The following ZNF629 variants were observed in gnomAD, a reference collection of about 807,000 sequenced individuals.
ZNF629 encodes DNA-binding protein.
A neutral mutation model predicts 59.7 loss-of-function variants in ZNF629; 9 were observed. That is an observed-to-expected ratio of 0.15 (90% CI 0.09 to 0.26). The LOEUF is 0.26. Ranked by LOEUF, ZNF629 falls within the 10% of genes least tolerant of loss-of-function variation. ZNF629 has a pLI of 1.00. For missense variants in ZNF629, 853 were observed against 1,165.4 expected, an observed-to-expected ratio of 0.73 and a Z score of 3.90; for synonymous variants, 509 against 498.9, an observed-to-expected ratio of 1.02 and a Z score of -0.27.
At position 30,780,796 on chromosome 16, in the gene ZNF629, G is replaced by C. The variant is rs2054273613; in HGVS notation, c.*922C>G. On this transcript the variant is annotated 3_prime_UTR_variant, in exon 3 of 3. Coordinates refer to ENST00000262525, the MANE Select transcript of ZNF629 (RefSeq NM_001080417.3). ...CAAGAAGGGGCCTGGAGTTAGCTGG[G>C]TTCCATGTGAGCAGTTTCCCCACCT... 1 of 152,286 alleles carries C rather than the reference G, an allele frequency of 6.6e-6. No homozygotes were observed. 9.4% of individuals were successfully genotyped at this position (152,286 alleles called of 1,614,324 possible). A position where few individuals can be genotyped will look rare whatever the true frequency, so the allele number is the denominator to read the frequency against.
rs2054292413 is a variant in ZNF629 at position 30,782,519 on chromosome 16, G to A, written c.1809C>T (p.Leu603=). 1 of 1,563,046 alleles carries A rather than the reference G, an allele frequency of 6.4e-7. No homozygotes were observed. Among genetic ancestry groups the A allele is most frequent in the East Asian group, 2.4e-5 (1 of 41,988 alleles). ...GENPYKNADG[L]IAHAAPKPPQ... ...GAGGTTTGGGGGCTGCGTGTGCGATGAGGCCGTCTGCATTTTTGTAGGGGT... is the reference window on the plus strand; with the variant it reads ...GAGGTTTGGGGGCTGCGTGTGCGATAAGGCCGTCTGCATTTTTGTAGGGGT... The change falls in exon 3 of 3, where the codon CTC becomes CTT. Residue 603 remains leucine (L), a synonymous_variant. Coordinates refer to ENST00000262525, the MANE Select transcript of ZNF629 (RefSeq NM_001080417.3).
chr16:30,784,456 G>A lies in ZNF629; in HGVS notation c.27C>T (p.Gly9=). The change falls in exon 2 of 3, where the codon GGC becomes GGT. Residue 9 remains glycine (G), a synonymous_variant. Transcript: ENST00000262525. ...TCTGTTCCGGACCCTGCAGATCCGG[G>A]CCCCACAGCGCAGTCTCGGGCTCCA... MEPETALW[G]PDLQGPEQSP... 1 of 1,559,116 alleles carries A rather than the reference G, an allele frequency of 6.4e-7. No individual in the cohort carries two copies. The highest frequency in any genetic ancestry group is 8.7e-7 in the Non-Finnish European group (1 of 1,154,188).
In ZNF629 at chr16:30,782,398, G is replaced by A; in HGVS notation, c.1930C>T (p.Pro644Ser). The A allele has an allele frequency of 6.4e-7, 1 of 1,571,834 alleles. No individual in the cohort carries two copies. The highest frequency in any genetic ancestry group is 8.6e-7 in the Non-Finnish European group (1 of 1,158,406). Residue 644 changes from proline (P) to serine (S), a missense_variant, in exon 3 of 3, where the codon CCG becomes TCG. Physicochemically the swap from Pro to Ser is moderately conservative, Grantham distance 74. Transcript: ENST00000262525. Reference protein sequence around the residue: ...AEAPGQPLKPPEGQEGFSQRR... With the variant: ...AEAPGQPLKPSEGQEGFSQRR... ...TGGCTGAAGCCCTCCTGACCCTCCG[G>A]CGGCTTAAGGGGCTGTCCGGGGGCC...
intron 1 of ZNF629, among the ~76,000 whole-genome samples, chr16:30,784,972 C>T (rs887594728): frequency 6.6e-6 from 1 of 152,006 alleles, no homozygotes; most frequent in African/African-American, 2.4e-5. Context: ...CAGAGTGAAC[C>T]GAGGCTGCCT....
At position 30,781,462 on chromosome 16, in the gene ZNF629, C is replaced by G; in HGVS notation, c.*256G>C. 3.1e-6 allele frequency: 1 copy of G among 325,944 alleles called. No homozygotes were observed. The highest frequency in any genetic ancestry group is 5.5e-6 in the Non-Finnish European group (1 of 180,972). The allele number at this position is 325,944 out of a possible 1,614,324, so 20.2% of individuals were successfully genotyped here. A position where few individuals can be genotyped will look rare whatever the true frequency, so the allele number is the denominator to read the frequency against. On this transcript the variant is annotated 3_prime_UTR_variant, in exon 3 of 3. Coordinates refer to ENST00000262525, the MANE Select transcript of ZNF629 (RefSeq NM_001080417.3). ...GTTTTTCTGCTACAGACTTAAAGGG[C>G]TTTTTTTTTTCCTACATATTTATAG...
chr16:30,782,499 T>G lies in ZNF629; in HGVS notation c.1829A>C (p.Lys610Thr). ...CCTTGGGGATCGTAACTGAGGAGGTTTGGGGGCTGCGTGTGCGATGAGGCC... is the reference window on the plus strand; with the variant it reads ...CCTTGGGGATCGTAACTGAGGAGGTGTGGGGGCTGCGTGTGCGATGAGGCC... ...ADGLIAHAAP[K>T]PPQLRSPRLP... The change falls in exon 3 of 3, where the codon AAA becomes ACA. Residue 610 changes from lysine (K) to threonine (T), a missense_variant. Physicochemically the swap from Lys to Thr is moderately conservative, Grantham distance 78. Around this residue, in one of 3 missense-constraint regions of ZNF629, gnomAD observed 420 missense variants for 435.6 expected, o/e 0.96. Coordinates refer to ENST00000262525, the MANE Select transcript of ZNF629 (RefSeq NM_001080417.3). 1.9e-6 allele frequency: 3 copies of G among 1,566,302 alleles called. No homozygotes were observed. The highest frequency in any genetic ancestry group is 1.9e-5 in the Admixed American group (1 of 52,526).
Position 30,782,509 on chromosome 16 carries a change from C to A in ZNF629, c.1819G>T (p.Ala607Ser). The A allele has an allele frequency of 6.4e-7, 1 of 1,564,808 alleles. No individual in the cohort carries two copies. ...YKNADGLIAH[A>S]APKPPQLRSP... ...CGTAACTGAGGAGGTTTGGGGGCTG[C>A]GTGTGCGATGAGGCCGTCTGCATTT... is the stretch of plus-strand genomic sequence containing the variant. The change falls in exon 3 of 3, where the codon GCA (alanine) becomes TCA (serine). Residue 607 changes from alanine to serine, a missense_variant. By Grantham distance (99) the Ala-to-Ser change is moderately conservative. Transcript: ENST00000262525.
intron 1 of ZNF629, among the ~76,000 whole-genome samples, chr16:30,785,456 C>A (rs1200842435): frequency 6.6e-6 from 1 of 152,158 alleles, no homozygotes; most frequent in East Asian, 1.9e-4. Context: ...GGGAGGCTGG[C>A]AGGAGACAGG....
At position 30,783,053 on chromosome 16, in the gene ZNF629, G is replaced by T. The variant is rs772347075; in HGVS notation, c.1275C>A (p.Arg425=). 2 of 1,612,868 alleles carry T rather than the reference G, an allele frequency of 1.2e-6. No individual in the cohort carries two copies. The highest frequency in any genetic ancestry group is 1.7e-6 in the Non-Finnish European group (2 of 1,179,814). The change falls in exon 3 of 3, where the codon CGC becomes CGA. Residue 425 remains arginine (R), a synonymous_variant. Coordinates refer to ENST00000262525, the MANE Select transcript of ZNF629 (RefSeq NM_001080417.3). The stretch of plus-strand genomic sequence containing the variant: ...CGGCGCAGATGTAGGGCCGCTCGCC[G>T]CGGTGGATGCGCTGGTGGTTGATGA... ...SNLINHQRIH[R]GERPYICADC...
In ZNF629 at chr16:30,783,967, T is replaced by A. The variant is rs1163424290; in HGVS notation, c.361A>T (p.Thr121Ser). Residue 121 changes from threonine (T) to serine (S), a missense_variant, in exon 3 of 3, where the codon ACA becomes TCA. Transcript: ENST00000262525. ...EASWQWGALT[T>S]WNSPPVVPAN... ...GGGACGACTGGGGGGCTGTTCCATG[T>A]GGTGAGAGCGCCCCACTGCCAGCTG... The A allele has an allele frequency of 6.3e-7, 1 of 1,583,146 alleles. No homozygotes were observed. The highest frequency in any genetic ancestry group is 2.3e-5 in the East Asian group (1 of 44,198).
Position 30,784,525 on chromosome 16 carries a change from A to G in ZNF629, c.-33-10T>C, listed in dbSNP as rs887512211. On this transcript the variant is annotated splice_polypyrimidine_tract_variant and intron_variant, in intron 1 of 2. Coordinates refer to ENST00000262525, the MANE Select transcript of ZNF629 (RefSeq NM_001080417.3). ...CAGTGTTCCAGGGACCCTGCGGGGG[A>G]AGACAGCGATGAGCGCACACTGGGA... 1.9e-5 allele frequency: 29 copies of G among 1,498,770 alleles called. No homozygotes were observed. In the African/African-American group the frequency reaches 3.1e-4, roughly 16 times the overall value. 92.8% of individuals were successfully genotyped at this position (1,498,770 alleles called of 1,614,324 possible).
Position 30,786,567 on chromosome 16 carries a change from G to C in ZNF629, c.-34+461C>G, listed in dbSNP as rs1436540922. Among the ~76,000 whole-genome samples the C allele has an allele frequency of 6.6e-6, 1 of 152,124 alleles. No homozygotes were observed. Among genetic ancestry groups the C allele is most frequent in the East Asian group, 1.9e-4 (1 of 5,174 alleles). On this transcript the variant is annotated intron_variant, in intron 1 of 2. Coordinates refer to ENST00000262525, the MANE Select transcript of ZNF629 (RefSeq NM_001080417.3). This position sits in a 1 kb window ranked among gnomAD's most constrained non-coding sequence, Gnocchi z 4.8. Reference sequence around the variant, plus strand: ...CCGCCTCCCGAGAGATGTGGGGAACGGCCCAGGGTGACCCTGACATGGAGG... The same window carrying C: ...CCGCCTCCCGAGAGATGTGGGGAACCGCCCAGGGTGACCCTGACATGGAGG...
rs906887708 is a variant in ZNF629, at chr16:30,778,532, A to C, written c.*3186T>G. On this transcript the variant is annotated 3_prime_UTR_variant, in exon 3 of 3. Transcript: ENST00000262525. ...CACAACACTGTTTTGGACACACAAC[A>C]CTCAAAAATGGGGCCTCTCTTCACT... 1.3e-5 allele frequency: 2 copies of C among 152,652 alleles called. No homozygotes were observed. Among genetic ancestry groups the C allele is most frequent in the Non-Finnish European group, 2.9e-5 (2 of 68,110 alleles). The allele number at this position is 152,652 out of a possible 1,614,324, so 9.5% of individuals were successfully genotyped here.
At position 30,784,230 on chromosome 16, in the gene ZNF629, T is replaced by C; in HGVS notation, c.98A>G (p.Glu33Gly). The C allele has an allele frequency of 6.2e-7, 1 of 1,604,364 alleles. No individual in the cohort carries two copies. The highest frequency in any genetic ancestry group is 8.5e-7 in the Non-Finnish European group (1 of 1,177,920). The change falls in exon 3 of 3, where the codon GAG becomes GGG. Residue 33 changes from glutamate (E) to glycine (G), a missense_variant. Transcript: ENST00000262525. ...HRGAESENEEESPRQESSGEE... is the reference protein window; with the variant it reads ...HRGAESENEEGSPRQESSGEE... ...CCCAGAACTTTCCTGCCGAGGGCTC[T>C]CCTCTTCGTTTTCACTCTCGGCACC... is the stretch of plus-strand genomic sequence containing the variant.
At position 30,781,832 on chromosome 16, in the gene ZNF629, G is replaced by A. The variant is rs1449145585; in HGVS notation, c.2496C>T (p.Asn832=). The A allele has an allele frequency of 1.9e-6, 3 of 1,602,574 alleles. No homozygotes were observed. The highest frequency in any genetic ancestry group is 2.6e-6 in the Non-Finnish European group (3 of 1,173,676). ...TESSSHGEGQ[N]PKTLVEEKPY... is the part of the protein sequence containing the mutation. ...GCTTTTCTTCCACTAGGGTTTTGGG[G>A]TTTTGCCCTTCCCCATGGCTGCTGC... The change falls in exon 3 of 3, where the codon AAC becomes AAT. Residue 832 remains asparagine, a synonymous_variant. Transcript: ENST00000262525.
Position 30,781,868 on chromosome 16 carries a change from G to A in ZNF629, c.2460C>T (p.Thr820=). The change falls in exon 3 of 3, where the codon ACC becomes ACT. Residue 820 remains threonine (T), a synonymous_variant. Coordinates refer to ENST00000262525, the MANE Select transcript of ZNF629 (RefSeq NM_001080417.3). ...CCCCATGGCTGCTGCTCTCTGTGGG[G>A]GTAGGGGTCTCGCCCTCACCTTCCT... The part of the protein sequence containing the change: ...TDQEGEGETP[T]PTESSSHGEG... The A allele has an allele frequency of 1.3e-6, 2 of 1,577,510 alleles. No homozygotes were observed. The highest frequency in any genetic ancestry group is 1.7e-6 in the Non-Finnish European group (2 of 1,159,092).
Position 30,786,871 on chromosome 16 carries a change from C to T in ZNF629, c.-34+157G>A, listed in dbSNP as rs2054338354. On this transcript the variant is annotated intron_variant, in intron 1 of 2. Coordinates refer to ENST00000262525, the MANE Select transcript of ZNF629 (RefSeq NM_001080417.3). The surrounding 1 kb of genome is among the most constrained non-coding windows in gnomAD (Gnocchi z 4.8). ...GCTTCCCAGAATCCTCGGCCCTCCG[C>T]GCCCCCCGCCCGCCCCCACCCCGGC... Among the ~76,000 whole-genome samples the T allele has an allele frequency of 2.0e-5, 3 of 151,664 alleles. No individual in the cohort carries two copies. Among genetic ancestry groups the T allele is most frequent in the South Asian group, 2.1e-4 (1 of 4,816 alleles).
In ZNF629 at chr16:30,782,655, G is replaced by C; in HGVS notation, c.1673C>G (p.Ser558Cys). The part of the protein sequence containing the change: ...GDSLLGLGDP[S>C]LLTPPPGAKP... ...GGCTCCCGGCGGCGGGGTCAGCAGG[G>C]AGGGGTCCCCGAGCCCCAGCAGGCT... Residue 558 changes from serine to cysteine, a missense_variant, in exon 3 of 3, where the codon TCC becomes TGC. Ser to Cys is a moderately radical substitution (Grantham distance 112). Transcript: ENST00000262525. The C allele has an allele frequency of 1.9e-6, 3 of 1,583,982 alleles. No individual in the cohort carries two copies. The highest frequency in any genetic ancestry group is 1.1e-5 in the South Asian group (1 of 88,126).
chr16:30,784,561 C>A (rs1293296772), intron 1 of ZNF629, 46 bp from the exon 2 acceptor site: 1 of 1,425,900 alleles, frequency 7.0e-7, no homozygotes, highest in Non-Finnish European at 9.3e-7. Flanking sequence ...GCTGATTTTG[C>A]ACTTTGCTTT....
Sources: allele counts gnomAD v4.1 joint callset (sites outside exome capture counted in the v4.1 genomes callset), GRCh38; gene constraint gnomAD v4.1.1; regional missense constraint gnomAD v4.1.1; non-coding constraint Gnocchi (gnomAD v3.1); transcripts MANE v1.5; gene names NCBI Gene and HGNC (gene_info 2026-07-23, HGNC 2026-07-21).